Variants in ZC3H13 observed in about 807,000 individuals in gnomAD.
The protein encoded by ZC3H13 is zinc finger CCCH domain-containing protein 13.
In ZC3H13, 64 loss-of-function variants were observed where a neutral mutation model predicts 204.1. The ratio of observed to expected loss-of-function variants is 0.31; its 90% confidence interval spans 0.26 to 0.39. The LOEUF is 0.39. ZC3H13 is among the 10% of genes least tolerant of loss of function. The probability of loss-of-function intolerance (pLI) is 1.00; values close to 1 mark genes in which losing one functional copy is unlikely to be tolerated. For missense variants in ZC3H13, 1,833 were observed against 2,082.7 expected, an observed-to-expected ratio of 0.88 and a Z score of 2.33; for synonymous variants, 667 against 693.7, an observed-to-expected ratio of 0.96 and a Z score of 0.60.
In ZC3H13 at chr13:45,988,945, G is replaced by A; in HGVS notation, c.1097C>T (p.Pro366Leu). Residue 366 changes from proline to leucine, a missense_variant, in exon 9 of 19, where the codon CCT (proline) becomes CTT (leucine). Around this residue, in one of 5 missense-constraint regions of ZC3H13, gnomAD observed 1,574 missense variants for 1,757.2 expected, o/e 0.90. Transcript: ENST00000679008. ...SPSYQRTLTPPLRRSASPYPS... is the reference protein window; with the variant it reads ...SPSYQRTLTPLLRRSASPYPS... ...ATAAGGAGAGGCAGAGCGTCGTAAA[G>A]GTGGAGTTAGTGTCCGCTGATAAGA... The A allele has an allele frequency of 6.2e-7, 1 of 1,614,118 alleles. No homozygotes were observed. Among genetic ancestry groups the A allele is most frequent in the Non-Finnish European group, 8.5e-7 (1 of 1,180,028 alleles).
chr13:45,975,817 A>G lies in ZC3H13; in HGVS notation c.1934T>C (p.Ile645Thr), dbSNP rs759262036. Residue 645 changes from isoleucine (I) to threonine (T), a missense_variant, in exon 12 of 19, where the codon ATT (isoleucine) becomes ACT (threonine). By Grantham distance (89) the Ile-to-Thr change is moderately conservative. Around this residue, in one of 5 missense-constraint regions of ZC3H13, gnomAD observed 1,574 missense variants for 1,757.2 expected, o/e 0.90. Transcript: ENST00000679008. ...RERDQRPSSP[I>T]RHQGRNDELE... ...CTCGTCATTCCTTCCCTGATGTCGA[A>G]TTGGTGAGCTTGGTCTTTGATCTAC... 2 of 1,612,352 alleles carry G rather than the reference A, an allele frequency of 1.2e-6. No individual in the cohort carries two copies. Among genetic ancestry groups the G allele is most frequent in the Non-Finnish European group, 1.7e-6 (2 of 1,178,680 alleles).
At chr13:46,018,219 T>G (rs372717737) in intron 5 of ZC3H13, among the ~76,000 whole-genome samples, 1 of 152,090 alleles carries the variant, frequency 6.6e-6, no homozygotes, top group Admixed American at 6.6e-5. Flanking sequence ...AACAAGTACA[T>G]CTCCATTTAT....
At chr13:45,983,583 C>A (rs942907038) in intron 10 of ZC3H13, among the ~76,000 whole-genome samples, 2 of 148,996 alleles carry the variant, frequency 1.3e-5, no homozygotes, top group Non-Finnish European at 3.0e-5. Flanking sequence ...CCCACCACCA[C>A]GCCCGGCTAA....
At position 46,006,007 on chromosome 13, in the gene ZC3H13, A is replaced by T. The variant is rs190599794; in HGVS notation, c.747-2671T>A. 4.2e-3 allele frequency among the ~76,000 whole-genome samples: 643 copies of T among 151,334 alleles called. 3 individuals carry two copies. Among genetic ancestry groups the T allele is most frequent in the Non-Finnish European group, 5.9e-3 (400 of 67,886 alleles). ...CTACTCAGGAGGCTGAGGCAGAAGA[A>T]CCGCTTGAACCCAGGAGGCAGATGT... On this transcript the variant is annotated intron_variant, in intron 7 of 18. Coordinates refer to ENST00000679008, the MANE Select transcript of ZC3H13 (RefSeq NM_001330564.2).
At chr13:46,031,153 A>G (rs2042874213) in intron 4 of ZC3H13, among the ~76,000 whole-genome samples, 1 of 152,186 alleles carries the variant, frequency 6.6e-6, no homozygotes, top group African/African-American at 2.4e-5. Flanking sequence ...TTTAACAAAG[A>G]AGCAAAACCA....
chr13:46,020,320 T>A, intron 5 of ZC3H13, 129 bp downstream of exon 5: 1 of 734,750 alleles, frequency 1.4e-6, no homozygotes, highest in Middle Eastern at 2.4e-4. Context: ...TTCAGTAAGA[T>A]AGAAATATGT....
intron 3 of ZC3H13, among the ~76,000 whole-genome samples, chr13:46,044,368 C>G (rs1027144312): frequency 2.0e-5 from 3 of 151,570 alleles, no homozygotes; most frequent in Non-Finnish European, 4.4e-5. Flanking sequence ...CATGAGGGAA[C>G]CAAAAGAAAA....
At chr13:45,975,242 T>C (rs765335789) in intron 12 of ZC3H13, 41 bp downstream of exon 12, 1 of 1,567,738 alleles carries the variant, frequency 6.4e-7, no homozygotes, top group South Asian at 1.2e-5. Flanking sequence ...AATTCTTTCC[T>C]GAAATGTAAA....
rs761746806 is a variant in ZC3H13, at chr13:45,969,085, A to G, written c.3459T>C (p.Asn1153=). 3.1e-6 allele frequency: 5 copies of G among 1,614,072 alleles called. No homozygotes were observed. Among genetic ancestry groups the G allele is most frequent in the South Asian group, 1.1e-5 (1 of 91,070 alleles). The part of the protein sequence containing the change: ...PTNTTNNTFA[N]EDSHRKCHRT... ...TGTGGCATTTTCTGTGTGAGTCTTC[A>G]TTGGCAAAAGTATTATTGGTGGTAT... Residue 1153 remains asparagine, a synonymous_variant, in exon 14 of 19, where the codon AAT becomes AAC. Coordinates refer to ENST00000679008, the MANE Select transcript of ZC3H13 (RefSeq NM_001330564.2).
rs377075338 is a variant in ZC3H13, at chr13:45,975,510, T to C, written c.2241A>G (p.Lys747=). 6.2e-7 allele frequency: 1 copy of C among 1,611,688 alleles called. No individual in the cohort carries two copies. Among genetic ancestry groups the C allele is most frequent in the African/African-American group, 1.3e-5 (1 of 74,736 alleles). The change falls in exon 12 of 19, where the codon AAA becomes AAG. Residue 747 remains lysine, a synonymous_variant. Transcript: ENST00000679008. ...TCTCTTCTCTTTCTCGTTCCCGTTCTTTTTCCCTGTCTCGTTCCCTCTCTC... is the reference window on the plus strand; with the variant it reads ...TCTCTTCTCTTTCTCGTTCCCGTTCCTTTTCCCTGTCTCGTTCCCTCTCTC... ...RERERERDRE[K]EREREREERE...
At position 45,973,825 on chromosome 13, in the gene ZC3H13, G is replaced by T. The variant is rs189981986; in HGVS notation, c.2468+1458C>A. Among the ~76,000 whole-genome samples, 88 of 152,226 alleles carry T rather than the reference G, an allele frequency of 5.8e-4. 1 individual carries two copies. Among genetic ancestry groups the T allele is most frequent in the Non-Finnish European group, 1.0e-3 (68 of 67,998 alleles). On this transcript the variant is annotated intron_variant, in intron 12 of 18. Transcript: ENST00000679008. ...ACCTGTGCCTCCATGTGTTAAAAAA[G>T]GTATCTCTGAAGTTTATGTTCAGGT... is the stretch of plus-strand genomic sequence containing the variant.
intron 13 of ZC3H13, 150 bp from the exon 14 acceptor site, chr13:45,970,121 A>G: frequency 1.9e-6 from 2 of 1,058,500 alleles, no homozygotes; most frequent in East Asian, 2.6e-5. Flanking sequence ...GATCAAGATC[A>G]TTTAAAAACT....
rs947980765 is a variant in ZC3H13, at chr13:45,966,363, CCTCA to C, written c.4322-935_4322-932del. On this transcript the variant is annotated intron_variant, in intron 15 of 18. Transcript: ENST00000679008. ...AAATTCTATAATAATCTCCCCATATCCTCACTAAGTCACTTCTAATGTAACCAAT... is the reference window on the plus strand; with the variant it reads ...AAATTCTATAATAATCTCCCCATATCCTAAGTCACTTCTAATGTAACCAAT... Among the ~76,000 whole-genome samples, 10 of 152,264 alleles carry C rather than the reference CCTCA, an allele frequency of 6.6e-5. No individual in the cohort carries two copies. In the South Asian group the frequency reaches 1.4e-3, roughly 22 times the overall value.
At chr13:46,020,935 G>A (rs772092170) in intron 4 of ZC3H13, among the ~76,000 whole-genome samples, 44 of 151,922 alleles carry the variant, frequency 2.9e-4, no homozygotes, top group African/African-American at 9.4e-4. Flanking sequence ...AAGTTTCCAC[G>A]TGAAAACCAC....
chr13:45,985,323 C>A lies in ZC3H13; in HGVS notation c.1694G>T (p.Gly565Val). Residue 565 changes from glycine to valine, a missense_variant, in exon 10 of 19, where the codon GGG becomes GTG. Around this residue, in one of 5 missense-constraint regions of ZC3H13, gnomAD observed 1,574 missense variants for 1,757.2 expected, o/e 0.90. Coordinates refer to ENST00000679008, the MANE Select transcript of ZC3H13 (RefSeq NM_001330564.2). Reference sequence around the variant, plus strand: ...CTTTTCAGGTAACTCAGGAACCCTCCCCCTACTTCGGCCCATTCGGTCATT... The same window carrying A: ...CTTTTCAGGTAACTCAGGAACCCTCACCCTACTTCGGCCCATTCGGTCATT... Reference protein sequence around the residue: ...IRNDRMGRSRGRVPELPEKGS... With the variant: ...IRNDRMGRSRVRVPELPEKGS... The A allele has an allele frequency of 6.2e-7, 1 of 1,613,694 alleles. No individual in the cohort carries two copies. Among genetic ancestry groups the A allele is most frequent in the Non-Finnish European group, 8.5e-7 (1 of 1,179,774 alleles).
intron 5 of ZC3H13, among the ~76,000 whole-genome samples, chr13:46,018,563 A>C (rs1286310825): frequency 6.6e-6 from 1 of 152,134 alleles, no homozygotes; most frequent in Non-Finnish European, 1.5e-5. Flanking sequence ...AATAAGAGGG[A>C]AGTAAAAAAG....
At chr13:46,003,049 C>A in intron 8 of ZC3H13, 90 bp downstream of exon 8, 1 of 1,328,448 alleles carries the variant, frequency 7.5e-7, no homozygotes, top group Non-Finnish European at 1.0e-6. Context: ...ACTAAAAAAC[C>A]CAATATGCTA....
At chr13:45,986,248 G>A (rs1954179002) in intron 9 of ZC3H13, among the ~76,000 whole-genome samples, 1 of 152,156 alleles carries the variant, frequency 6.6e-6, no homozygotes, top group African/African-American at 2.4e-5. Flanking sequence ...TTCCTGCACT[G>A]TTTAATGGTA....
intron 7 of ZC3H13, among the ~76,000 whole-genome samples, chr13:46,006,354 TATAAA>T (rs908406965): frequency 5.3e-5 from 8 of 151,898 alleles, no homozygotes; most frequent in East Asian, 1.9e-4. Context: ...CCTGCAAAAA[TATAAA>T]ATAAAATAAA....
Sources: allele counts gnomAD v4.1 joint callset (sites outside exome capture counted in the v4.1 genomes callset), GRCh38; gene constraint gnomAD v4.1.1; regional missense constraint gnomAD v4.1.1; transcripts MANE v1.5; gene names NCBI Gene and HGNC (gene_info 2026-07-23, HGNC 2026-07-21).